TBC1D22B: variants seen among roughly 807,000 people sequenced by gnomAD.
TBC1D22B encodes TBC1 domain family member 22B.
A neutral mutation model predicts 69.1 loss-of-function variants in TBC1D22B; 32 were observed. The observed-to-expected ratio is 0.46, with a 90% CI of 0.35 to 0.62. The LOEUF (loss-of-function observed/expected upper bound fraction) is 0.62. Among genes scored for constraint, TBC1D22B ranks in the 20% least tolerant of loss-of-function variants. TBC1D22B has a pLI of 0.00. For missense variants in TBC1D22B, 462 were observed against 630.9 expected (o/e 0.73, Z 2.87); for synonymous variants, 206 against 229.8 (o/e 0.90, Z 0.94).
chr6:37,257,881 C>T lies in TBC1D22B; in HGVS notation c.-37C>T, dbSNP rs1190964048. ...CTGGGGGCATCTCGCCGGGCAAACC[C>T]TTGGCCCGCCTACAAGGACTTCCCC... On this transcript the variant is annotated 5_prime_UTR_variant, in exon 1 of 13. Coordinates refer to ENST00000373491, the MANE Select transcript of TBC1D22B (RefSeq NM_017772.4). 4 of 1,608,618 alleles carry T rather than the reference C, an allele frequency of 2.5e-6. No individual in the cohort carries two copies. Among genetic ancestry groups the T allele is most frequent in the Middle Eastern group, 1.7e-4 (1 of 5,984 alleles).
At chr6:37,298,539 G>GTTTTTTTTTTTTTTTTTTTTTTTTTTTTT (rs34996865) in intron 8 of TBC1D22B, among the ~76,000 whole-genome samples, 7 of 71,218 alleles carry the variant, frequency 9.8e-5, no homozygotes, top group African/African-American at 4.3e-4. Flanking sequence ...GTTGCCTACA[G>GTTTTTTTTTTTTTTTTTTTTTTTTTTTTT]TTTTTTTTTT....
Position 37,291,367 on chromosome 6 carries a change from A to G in TBC1D22B, c.982+10A>G, listed in dbSNP as rs1767175496. The G allele has an allele frequency of 6.4e-7, 1 of 1,568,088 alleles. No homozygotes were observed. The highest frequency in any genetic ancestry group is 8.7e-7 in the Non-Finnish European group (1 of 1,146,868). On this transcript the variant is annotated intron_variant, in intron 8 of 12. Coordinates refer to ENST00000373491, the MANE Select transcript of TBC1D22B (RefSeq NM_017772.4). The stretch of plus-strand genomic sequence containing the variant: ...CTCTCAGAATATGTGGGTAAGAAGC[A>G]TTAGTACCAAGCTGAACAAGCTATT...
intron 12 of TBC1D22B, among the ~76,000 whole-genome samples, chr6:37,324,949 C>T (rs1465164397): frequency 2.0e-5 from 3 of 152,204 alleles, no homozygotes; most frequent in African/African-American, 7.2e-5. Context: ...GTACAAAGTA[C>T]ATGTGAAACA....
intron 1 of TBC1D22B, among the ~76,000 whole-genome samples, chr6:37,262,223 G>C (rs1766129581): frequency 6.6e-6 from 1 of 151,808 alleles, no homozygotes; most frequent in South Asian, 2.1e-4. Flanking sequence ...TAGAGAAGGG[G>C]GTTTCGCCAT....
intron 12 of TBC1D22B, among the ~76,000 whole-genome samples, chr6:37,318,413 G>T (rs1768144171): frequency 6.6e-6 from 1 of 152,202 alleles, no homozygotes; most frequent in Non-Finnish European, 1.5e-5. Context: ...AGCCATATTG[G>T]ATTTGAAGTA....
chr6:37,317,740 G>A (rs1768124091), intron 12 of TBC1D22B, among the ~76,000 whole-genome samples: 1 of 152,188 alleles, frequency 6.6e-6, no homozygotes, highest in South Asian at 2.1e-4. Flanking sequence ...AAGTAGTCTT[G>A]ATAGGTTCAC....
At chr6:37,302,775 A>T (rs1767606558) in intron 8 of TBC1D22B, among the ~76,000 whole-genome samples, 2 of 152,226 alleles carry the variant, frequency 1.3e-5, no homozygotes, top group African/African-American at 4.8e-5. Flanking sequence ...TATGTCATAG[A>T]TGATCACTTA....
At chr6:37,276,618 C>T (rs1036196897) in intron 2 of TBC1D22B, among the ~76,000 whole-genome samples, 2 of 152,138 alleles carry the variant, frequency 1.3e-5, no homozygotes, top group African/African-American at 4.8e-5. Context: ...TATATTGAAT[C>T]ATTATCTGCT....
chr6:37,282,282 TG>T lies in TBC1D22B; in HGVS notation c.523del (p.Ala175ProfsTer4). ...CCCGGATCTCGGATCAGAACGCTTCTGGGGCCCCCCCAATGACTGTCCGGGA... is the reference window on the plus strand; with the variant it reads ...CCCGGATCTCGGATCAGAACGCTTCTGGGCCCCCCCAATGACTGTCCGGGA... ...VARISDQNAS[G>X]APPMTVREKT... On this transcript the variant is annotated frameshift_variant, in exon 4 of 13. Coordinates refer to ENST00000373491, the MANE Select transcript of TBC1D22B (RefSeq NM_017772.4). LOFTEE classifies it high-confidence loss of function. 1 of 1,614,180 alleles carries T rather than the reference TG, an allele frequency of 6.2e-7. No individual in the cohort carries two copies. The highest frequency in any genetic ancestry group is 8.5e-7 in the Non-Finnish European group (1 of 1,180,024).
intron 1 of TBC1D22B, among the ~76,000 whole-genome samples, chr6:37,259,232 TTAAAG>T (rs1364811430): frequency 6.6e-6 from 1 of 152,178 alleles, no homozygotes; most frequent in Non-Finnish European, 1.5e-5. Flanking sequence ...GTAATACTTA[TTAAAG>T]TAATAGAAAG....
chr6:37,313,697 C>A, intron 9 of TBC1D22B, 119 bp from the exon 10 acceptor site: 3 of 901,892 alleles, frequency 3.3e-6, no homozygotes, highest in Non-Finnish European at 3.7e-6. Flanking sequence ...AGAACACTGT[C>A]ACTGGCCATT....
chr6:37,310,348 A>G (rs1197361160), intron 8 of TBC1D22B, among the ~76,000 whole-genome samples: 1 of 151,986 alleles, frequency 6.6e-6, no homozygotes, highest in Non-Finnish European at 1.5e-5. Context: ...ATAAAAGAAA[A>G]ATGATATTTC....
chr6:37,295,554 C>CT (rs2113758130), intron 8 of TBC1D22B: 1 of 398,996 alleles, frequency 2.5e-6, no homozygotes, highest in East Asian at 7.6e-5. Context: ...GGCATGTCTT[C>CT]TGAGTCTCCG....
chr6:37,314,570 A>G (rs987532943), intron 10 of TBC1D22B, among the ~76,000 whole-genome samples: 8 of 152,192 alleles, frequency 5.3e-5, no homozygotes, highest in South Asian at 2.1e-4. Flanking sequence ...GAACGAAAGG[A>G]CAACTCAGGA....
At chr6:37,307,147 A>G (rs1293585582) in intron 8 of TBC1D22B, among the ~76,000 whole-genome samples, 1 of 152,178 alleles carries the variant, frequency 6.6e-6, no homozygotes, top group African/African-American at 2.4e-5. Flanking sequence ...ATAACACCCA[A>G]CAATACGTTT....
chr6:37,319,585 A>G lies in TBC1D22B; in HGVS notation c.1389+2379A>G, dbSNP rs113002847. On this transcript the variant is annotated intron_variant, in intron 12 of 12. Transcript: ENST00000373491. ...TCTGGTAGGTCTGAGGCCTTTTGGC[A>G]ATACCCAACAGAACAGCATTGGAGG... 3.7e-3 allele frequency among the ~76,000 whole-genome samples: 558 copies of G among 152,356 alleles called. 2 individuals are homozygous for G. Among genetic ancestry groups the G allele is most frequent in the African/African-American group, 0.012 (518 of 41,590 alleles).
At chr6:37,284,783 G>A (rs1219012973) in intron 6 of TBC1D22B, among the ~76,000 whole-genome samples, 4 of 152,206 alleles carry the variant, frequency 2.6e-5, no homozygotes, top group Non-Finnish European at 4.4e-5. Context: ...CAGGTCTCAG[G>A]TAAAGCCTGA....
At chr6:37,259,277 C>T (rs1199868655) in intron 1 of TBC1D22B, among the ~76,000 whole-genome samples, 1 of 152,144 alleles carries the variant, frequency 6.6e-6, no homozygotes, top group Non-Finnish European at 1.5e-5. Context: ...GATTAAAGTG[C>T]TGTGGACTCA....
At position 37,276,923 on chromosome 6, in the gene TBC1D22B, G is replaced by A. The variant is rs184866530; in HGVS notation, c.114-2381G>A. ...ACAAAAATATATATATATATAAAAC[G>A]AAAACCTTCAAATGCATAAAAAGCG... On this transcript the variant is annotated intron_variant, in intron 2 of 12. Coordinates refer to ENST00000373491, the MANE Select transcript of TBC1D22B (RefSeq NM_017772.4). Among the ~76,000 whole-genome samples the A allele has an allele frequency of 3.7e-3, 556 of 152,048 alleles. 3 individuals are homozygous for A. Among genetic ancestry groups the A allele is most frequent in the African/African-American group, 0.012 (516 of 41,424 alleles).
Sources: allele counts gnomAD v4.1 joint callset (sites outside exome capture counted in the v4.1 genomes callset), GRCh38; gene constraint gnomAD v4.1.1; transcripts MANE v1.5; gene names NCBI Gene and HGNC (gene_info 2026-07-23, HGNC 2026-07-21).